The following TBCK variants were observed in gnomAD, a reference collection of about 807,000 sequenced individuals.
TBCK encodes TBC1 domain containing kinase.
Under a neutral mutation model 113.4 loss-of-function variants are expected in TBCK, and 99 were observed. The observed-to-expected ratio is 0.87, with a 90% CI of 0.74 to 1.03. TBCK has a LOEUF of 1.03. TBCK is among the 50% of genes least tolerant of loss of function. The pLI is 0.00. For synonymous variants in TBCK, 369 were observed against 370.8 expected, an observed-to-expected ratio of 1.00 and a Z score of 0.05; for missense variants, 1,045 against 1,061.3, an observed-to-expected ratio of 0.98 and a Z score of 0.21.
intron 25 of TBCK, among the ~76,000 whole-genome samples, chr4:106,087,204 CT>C (rs1183493378): frequency 6.6e-6 from 1 of 152,190 alleles, no homozygotes; most frequent in African/African-American, 2.4e-5. Context: ...AGCCCCAAAA[CT>C]TCTTGAACTG....
chr4:106,219,501 A>G (rs1481257843), intron 19 of TBCK, among the ~76,000 whole-genome samples: 5 of 152,094 alleles, frequency 3.3e-5, no homozygotes, highest in African/African-American at 1.2e-4. Context: ...TGTTGATTCT[A>G]ATTCTATTAG....
rs563503709 is a variant in TBCK at position 106,215,562 on chromosome 4, G to A, written c.1775-2727C>T. ...GAAAACAAAAAAAGGCAGGGGTTGC[G>A]ATCCTAGTCTCTGATAAAACAGACT... On this transcript the variant is annotated intron_variant, in intron 19 of 25. Coordinates refer to ENST00000394708, the MANE Select transcript of TBCK (RefSeq NM_001163435.3). Among the ~76,000 whole-genome samples the A allele has an allele frequency of 9.6e-4, 146 of 152,142 alleles. 1 individual carries two copies. Among genetic ancestry groups the A allele is most frequent in the East Asian group, 6.2e-3 (32 of 5,166 alleles).
At chr4:106,111,238 G>A (rs1331712541) in intron 24 of TBCK, among the ~76,000 whole-genome samples, 1 of 152,192 alleles carries the variant, frequency 6.6e-6, no homozygotes, top group East Asian at 1.9e-4. Flanking sequence ...TACAGTCCTT[G>A]TAATTTGCCC....
At chr4:106,199,504 T>C (rs372256279) in intron 20 of TBCK, among the ~76,000 whole-genome samples, 12 of 152,128 alleles carry the variant, frequency 7.9e-5, no homozygotes, top group African/African-American at 2.9e-4. Context: ...CTATTTCAGC[T>C]CCATCCCTAA....
upstream of TBCK, chr4:106,316,586 C>T (rs1471885758): frequency 1.5e-5 from 24 of 1,551,396 alleles, no homozygotes; most frequent in African/African-American, 4.1e-5. Context: ...CCGTGGTCCT[C>T]CGCTTCATGT....
intron 25 of TBCK, among the ~76,000 whole-genome samples, chr4:106,087,651 T>C (rs896272645): frequency 1.3e-5 from 2 of 152,108 alleles, no homozygotes; most frequent in African/African-American, 2.4e-5. Context: ...AAGAACAAAA[T>C]TGGAGGCATC....
chr4:106,063,285 T>TGG (rs1320634595), intron 25 of TBCK, among the ~76,000 whole-genome samples: 5 of 152,008 alleles, frequency 3.3e-5, no homozygotes, highest in African/African-American at 1.2e-4. Flanking sequence ...CTTGCATACT[T>TGG]GAAGCTGATA....
intron 24 of TBCK, among the ~76,000 whole-genome samples, chr4:106,098,504 A>G (rs951783985): frequency 1.3e-5 from 2 of 152,080 alleles, no homozygotes; most frequent in African/African-American, 4.8e-5. Context: ...GTATCCATAA[A>G]CACTAATTTT....
At position 106,257,186 on chromosome 4, in the gene TBCK, G is replaced by A. The variant is rs765165282; in HGVS notation, c.455+3251C>T. ...CCTAGAAATAAAAGGAATAAGAACC[G>A]TTTTAGAAGAGACATGGAGTGAAAT... On this transcript the variant is annotated intron_variant, in intron 5 of 25. Coordinates refer to ENST00000394708, the MANE Select transcript of TBCK (RefSeq NM_001163435.3). 1.7e-4 allele frequency among the ~76,000 whole-genome samples: 26 copies of A among 152,064 alleles called. 1 individual carries two copies. The highest frequency in any genetic ancestry group is 6.6e-4 in the Admixed American group (10 of 15,266).
In TBCK at chr4:106,314,481, TTTAAC is replaced by T. The variant is rs569516656; in HGVS notation, c.-30+1445_-30+1449del. Among the ~76,000 whole-genome samples the T allele has an allele frequency of 2.3e-3, 349 of 152,248 alleles. 1 individual carries two copies. Among genetic ancestry groups the T allele is most frequent in the African/African-American group, 8.0e-3 (334 of 41,546 alleles). On this transcript the variant is annotated intron_variant, in intron 1 of 25. Coordinates refer to ENST00000394708, the MANE Select transcript of TBCK (RefSeq NM_001163435.3). Reference sequence around the variant, plus strand: ...AGAAGTCAACAAAAAGAATTAACAGTTTAACTTATTATTTAACCTACAGACCTAAA... The same window carrying T: ...AGAAGTCAACAAAAAGAATTAACAGTTTATTATTTAACCTACAGACCTAAA...
chr4:106,276,831 C>T (rs1764076157), intron 3 of TBCK, among the ~76,000 whole-genome samples: 1 of 151,778 alleles, frequency 6.6e-6, no homozygotes, highest in African/African-American at 2.4e-5. Flanking sequence ...GGAGGCGGTG[C>T]AGTTCCAGGC....
At chr4:106,084,426 T>C (rs1307615331) in intron 25 of TBCK, among the ~76,000 whole-genome samples, 1 of 151,410 alleles carries the variant, frequency 6.6e-6, no homozygotes, top group Non-Finnish European at 1.5e-5. Flanking sequence ...CTCCAAGAAA[T>C]ATGGGACTTA....
intron 19 of TBCK, among the ~76,000 whole-genome samples, chr4:106,218,004 C>T (rs1757177712): frequency 6.9e-6 from 1 of 144,480 alleles, no homozygotes; most frequent in Non-Finnish European, 1.5e-5. Context: ...CAGCATGGTA[C>T]TGGTACCAAA....
intron 3 of TBCK, among the ~76,000 whole-genome samples, chr4:106,280,466 C>T (rs909821689): frequency 1.3e-5 from 2 of 152,016 alleles, no homozygotes; most frequent in Non-Finnish European, 2.9e-5. Flanking sequence ...TTTTGGTTGC[C>T]TATGCTTGTG....
At chr4:106,251,712 T>G (rs2150065313) in intron 6 of TBCK, among the ~76,000 whole-genome samples, 154 bp downstream of exon 6, 1 of 152,176 alleles carries the variant, frequency 6.6e-6, no homozygotes, top group South Asian at 2.1e-4. Flanking sequence ...ATATGTGAAA[T>G]TATCAAACAT....
chr4:106,196,574 TGA>T (rs1491278684), intron 20 of TBCK, among the ~76,000 whole-genome samples: 2 of 151,930 alleles, frequency 1.3e-5, no homozygotes. Context: ...GTACTACATG[TGA>T]AATAAAACCC....
At chr4:106,225,249 A>G (rs776138903) in intron 19 of TBCK, among the ~76,000 whole-genome samples, 2 of 152,188 alleles carry the variant, frequency 1.3e-5, no homozygotes, top group African/African-American at 4.8e-5. Flanking sequence ...CATAATATTA[A>G]AGAACATTTA....
In TBCK at chr4:106,248,720, C is replaced by T. The variant is rs568775523; in HGVS notation, c.720+201G>A. 5.1e-4 allele frequency among the ~76,000 whole-genome samples: 78 copies of T among 152,326 alleles called. No individual in the cohort carries two copies. In the South Asian group the frequency reaches 0.016, roughly 30 times the overall value. On this transcript the variant is annotated intron_variant, in intron 8 of 25. Coordinates refer to ENST00000394708, the MANE Select transcript of TBCK (RefSeq NM_001163435.3). The stretch of plus-strand genomic sequence containing the variant: ...CCTCACATAGCAATTGCCTAGCTTG[C>T]CCTTCTGCCTTGTAAGGACAGTGTT...
chr4:106,091,047 C>T (rs1479230608), intron 25 of TBCK, among the ~76,000 whole-genome samples: 2 of 152,140 alleles, frequency 1.3e-5, no homozygotes, highest in African/African-American at 4.8e-5. Context: ...TACCAATTAT[C>T]TGTGTTAGTT....
Sources: gnomAD v4.1 joint callset for allele counts (sites outside exome capture counted in the v4.1 genomes callset) on GRCh38, gnomAD v4.1.1 for gene constraint, MANE v1.5 for transcripts, NCBI Gene and HGNC (gene_info 2026-07-23, HGNC 2026-07-21) for gene names.